Variants in DENND4C observed in about 807,000 individuals in gnomAD.
The protein encoded by DENND4C is DENN domain containing 4C, also known as DENN domain-containing protein 4C.
In DENND4C, 108 loss-of-function variants were observed where a neutral mutation model predicts 203.0. The ratio of observed to expected loss-of-function variants is 0.53; its 90% confidence interval spans 0.46 to 0.62. The LOEUF is 0.62. Ranked by LOEUF, DENND4C falls within the 20% of genes least tolerant of loss-of-function variation. The pLI, the probability that DENND4C is intolerant of heterozygous loss-of-function variation, is 0.00. For synonymous variants in DENND4C, 871 were observed against 792.4 expected (o/e 1.10, Z -1.67); for missense variants, 2,481 against 2,301.2 (o/e 1.08, Z -1.60).
intron 1 of DENND4C, among the ~76,000 whole-genome samples, chr9:19,231,158 G>A (rs1820440751): frequency 6.6e-6 from 1 of 152,224 alleles, no homozygotes; most frequent in Non-Finnish European, 1.5e-5. Context: ...CTGGGCCCGG[G>A]GGACCGCCGG....
intron 1 of DENND4C, among the ~76,000 whole-genome samples, chr9:19,259,863 T>G (rs943582313): frequency 4.6e-5 from 7 of 152,214 alleles, no homozygotes; most frequent in African/African-American, 1.7e-4. Flanking sequence ...GGTTGCTAAG[T>G]TGAAGCAACT....
At chr9:19,288,854 C>T (rs1835721269) in intron 4 of DENND4C, among the ~76,000 whole-genome samples, 189 bp downstream of exon 4, 1 of 152,154 alleles carries the variant, frequency 6.6e-6, no homozygotes, top group Non-Finnish European at 1.5e-5. Flanking sequence ...TTAATACCCC[C>T]ACCAAACATG....
chr9:19,282,709 TTC>T (rs202247189), intron 2 of DENND4C, among the ~76,000 whole-genome samples: 2 of 129,470 alleles, frequency 1.5e-5, no homozygotes, highest in African/African-American at 5.5e-5. Flanking sequence ...TCTTTTTTTC[TTC>T]TCTCTTTTTT....
chr9:19,280,335 CG>C (rs1328314492), intron 2 of DENND4C, among the ~76,000 whole-genome samples: 3 of 151,996 alleles, frequency 2.0e-5, no homozygotes, highest in African/African-American at 7.2e-5. Flanking sequence ...TTAGTAGAGA[CG>C]GGGTTTCACC....
intron 13 of DENND4C, among the ~76,000 whole-genome samples, chr9:19,325,166 T>G (rs1563804840): frequency 1.3e-5 from 2 of 152,126 alleles, no homozygotes; most frequent in African/African-American, 4.8e-5. Flanking sequence ...TAAAAAATGT[T>G]TAGTTTTATG....
chr9:19,266,650 C>T (rs983975596), intron 1 of DENND4C, among the ~76,000 whole-genome samples: 1 of 152,124 alleles, frequency 6.6e-6, no homozygotes, highest in Non-Finnish European at 1.5e-5. Context: ...TGGAACAGAA[C>T]AGAGCCCTCA....
chr9:19,350,675 T>C (rs371369176), intron 23 of DENND4C, 27 bp from the exon 24 acceptor site: 2 of 1,589,330 alleles, frequency 1.3e-6, no homozygotes, highest in East Asian at 2.2e-5. Flanking sequence ...TATTTATGTA[T>C]GTGGAATTTT....
At chr9:19,342,561 A>C in intron 21 of DENND4C, 72 bp from the exon 22 acceptor site, 1 of 1,439,642 alleles carries the variant, frequency 6.9e-7, no homozygotes, top group South Asian at 1.6e-5. Flanking sequence ...TACAATATCT[A>C]AAAGTCAATA....
intron 2 of DENND4C, among the ~76,000 whole-genome samples, chr9:19,278,566 G>A (rs1431390176): frequency 2.6e-5 from 4 of 152,114 alleles, no homozygotes; most frequent in Non-Finnish European, 4.4e-5. Flanking sequence ...CATGGAAGTC[G>A]GAATCCACGA....
chr9:19,333,095 G>T (rs1364049713), intron 17 of DENND4C, among the ~76,000 whole-genome samples: 1 of 151,704 alleles, frequency 6.6e-6, no homozygotes, highest in Non-Finnish European at 1.5e-5. Flanking sequence ...GCTCACTGTA[G>T]CCTAGAACTT....
intron 12 of DENND4C, among the ~76,000 whole-genome samples, chr9:19,318,846 T>C (rs1028811276): frequency 1.4e-4 from 21 of 152,132 alleles, no homozygotes; most frequent in Admixed American, 9.2e-4. Flanking sequence ...ATAGTTACAT[T>C]CCGAGGTACT....
rs192495964 is a variant in DENND4C, at chr9:19,260,153, A to G, written c.-17-16005A>G. Among the ~76,000 whole-genome samples, 490 of 152,248 alleles carry G rather than the reference A, an allele frequency of 3.2e-3. 3 individuals carry two copies. The highest frequency in any genetic ancestry group is 0.011 in the African/African-American group (454 of 41,548). On this transcript the variant is annotated intron_variant, in intron 1 of 32. Coordinates refer to ENST00000434457, the MANE Select transcript of DENND4C (RefSeq NM_001330640.2). ...ATTGCCTGTCTTTTGGACCTAAGCC[A>G]TTTTAACTGGTGTGAGATGATATCT...
At chr9:19,331,142 C>T (rs1819044094) in intron 16 of DENND4C, among the ~76,000 whole-genome samples, 1 of 151,762 alleles carries the variant, frequency 6.6e-6, no homozygotes, top group Non-Finnish European at 1.5e-5. Context: ...GAATGAAAAC[C>T]AGAACTAGAA....
intron 1 of DENND4C, among the ~76,000 whole-genome samples, chr9:19,263,017 T>A (rs1373499162): frequency 6.6e-6 from 1 of 152,232 alleles, no homozygotes; most frequent in Non-Finnish European, 1.5e-5. Context: ...GTGTTTCATA[T>A]CTTAGAGGAA....
chr9:19,244,243 C>G (rs775777442), intron 1 of DENND4C, among the ~76,000 whole-genome samples: 2 of 152,148 alleles, frequency 1.3e-5, no homozygotes, highest in Non-Finnish European at 2.9e-5. Context: ...GTTAGCCAGG[C>G]TGGTCTTGAA....
chr9:19,270,208 T>G (rs1831352009), intron 1 of DENND4C, among the ~76,000 whole-genome samples: 1 of 152,142 alleles, frequency 6.6e-6, no homozygotes. Context: ...TGTGCTGGGT[T>G]AGACCTGAAA....
Position 19,373,284 on chromosome 9 carries a change from T to C in DENND4C, c.*1111T>C, listed in dbSNP as rs1829144937. 1.3e-5 allele frequency: 2 copies of C among 152,368 alleles called. No homozygotes were observed. The highest frequency in any genetic ancestry group is 4.8e-5 in the African/African-American group (2 of 41,450). The allele number at this position is 152,368 out of a possible 1,614,324, so 9.4% of individuals were successfully genotyped here. On this transcript the variant is annotated 3_prime_UTR_variant, in exon 33 of 33. Coordinates refer to ENST00000434457, the MANE Select transcript of DENND4C (RefSeq NM_001330640.2). Reference sequence around the variant, plus strand: ...TCTTCCCAATGTTAATTTGCAATAGTTTTAAAATGGGAACAAATGAATCAA... The same window carrying C: ...TCTTCCCAATGTTAATTTGCAATAGCTTTAAAATGGGAACAAATGAATCAA...
At chr9:19,340,600 C>G (rs1821386527) in intron 20 of DENND4C, among the ~76,000 whole-genome samples, 1 of 151,926 alleles carries the variant, frequency 6.6e-6, no homozygotes, top group Non-Finnish European at 1.5e-5. Context: ...GGTAGGTAAC[C>G]ATCTTTACTG....
At chr9:19,354,766 G>A (rs1200266701) in intron 26 of DENND4C, among the ~76,000 whole-genome samples, 4 of 151,756 alleles carry the variant, frequency 2.6e-5, no homozygotes, top group South Asian at 2.1e-4. Context: ...GGCTGGTCTC[G>A]AACTCCTGAT....
Sources: allele counts gnomAD v4.1 joint callset (sites outside exome capture counted in the v4.1 genomes callset), GRCh38; gene constraint gnomAD v4.1.1; transcripts MANE v1.5; gene names NCBI Gene and HGNC (gene_info 2026-07-23, HGNC 2026-07-21).